Variants in TYW1B observed in about 807,000 individuals in gnomAD.
The protein encoded by TYW1B is S-adenosyl-L-methionine-dependent tRNA 4-demethylwyosine synthase TYW1B.
A neutral mutation model predicts 86.9 loss-of-function variants in TYW1B; 73 were observed. The ratio of observed to expected loss-of-function variants is 0.84; its 90% confidence interval spans 0.70 to 1.02. The LOEUF is 1.02. TYW1B is among the 50% of genes least tolerant of loss of function. The pLI is 0.00. For missense variants in TYW1B, 637 were observed against 827.4 expected, an observed-to-expected ratio of 0.77 and a Z score of 2.82; for synonymous variants, 248 against 292.8, an observed-to-expected ratio of 0.85 and a Z score of 1.56.
intron 10 of TYW1B, among the ~76,000 whole-genome samples, chr7:72,711,766 C>T (rs1365192402): frequency 4.6e-5 from 7 of 151,918 alleles, no homozygotes; most frequent in East Asian, 1.9e-4. Context: ...GGATTACAGG[C>T]GTGAGTCACT....
chr7:72,576,416 C>G (rs1247591561), intron 13 of TYW1B, among the ~76,000 whole-genome samples: 1 of 151,684 alleles, frequency 6.6e-6, no homozygotes, highest in African/African-American at 2.4e-5. Flanking sequence ...GCTTTTAATT[C>G]AAAGCATTTG....
intron 13 of TYW1B, among the ~76,000 whole-genome samples, chr7:72,587,804 T>C (rs1811307322): frequency 6.6e-6 from 1 of 152,184 alleles, no homozygotes; most frequent in African/African-American, 2.4e-5. Flanking sequence ...TTGTTTTAAA[T>C]TATAAACTAT....
intron 6 of TYW1B, among the ~76,000 whole-genome samples, chr7:72,799,583 A>G (rs1554475249): frequency 1.3e-5 from 2 of 151,868 alleles, no homozygotes. Context: ...CTCTTGCCTC[A>G]GCCTCCCAAG....
chr7:72,667,767 A>C (rs1554445596), intron 11 of TYW1B, among the ~76,000 whole-genome samples: 1 of 152,264 alleles, frequency 6.6e-6, no homozygotes, highest in African/African-American at 2.4e-5. Flanking sequence ...CAACACAAAG[A>C]GGTGACCTGT....
intron 13 of TYW1B, among the ~76,000 whole-genome samples, chr7:72,591,482 T>C (rs34942925): frequency 1.3e-5 from 2 of 152,180 alleles, no homozygotes; most frequent in South Asian, 2.1e-4. Context: ...ATACTTAATA[T>C]GGTCATAGAA....
intron 3 of TYW1B, among the ~76,000 whole-genome samples, chr7:72,813,236 C>T (rs1391355882): frequency 5.5e-5 from 8 of 145,496 alleles, no homozygotes; most frequent in South Asian, 2.2e-4. Context: ...AGGGCAATGG[C>T]GCAATCTCGG....
intron 10 of TYW1B, among the ~76,000 whole-genome samples, chr7:72,706,033 G>A (rs1382499184): frequency 6.6e-6 from 1 of 152,196 alleles, no homozygotes; most frequent in African/African-American, 2.4e-5. Flanking sequence ...AAACTCACAT[G>A]TCTACAGGGA....
chr7:72,679,069 C>T (rs1272896434), intron 11 of TYW1B, among the ~76,000 whole-genome samples: 5 of 152,016 alleles, frequency 3.3e-5, no homozygotes, highest in Admixed American at 3.3e-4. Flanking sequence ...ACCACTGCAT[C>T]CAGTCTGCCA....
rs10630508 is a variant in TYW1B, at chr7:72,786,573, C to CT, written c.847-9041dup. Among the ~76,000 whole-genome samples, 274 of 107,434 alleles carry CT rather than the reference C, an allele frequency of 2.6e-3. 1 individual carries two copies. Among genetic ancestry groups the CT allele is most frequent in the African/African-American group, 6.2e-3 (187 of 29,980 alleles). The allele number at this position is 107,434 out of a possible 152,430, so 70.5% of individuals were successfully genotyped here. ...AAACAAAGTTTTTAAATTCTTTTTT[C>CT]TTTTTTTTTTTTTTTTTTTTGAGAT... On this transcript the variant is annotated intron_variant, in intron 6 of 13. Transcript: ENST00000620995.
intron 9 of TYW1B, among the ~76,000 whole-genome samples, chr7:72,720,703 C>A (rs1786878740): frequency 2.0e-5 from 3 of 152,154 alleles, no homozygotes; most frequent in African/African-American, 7.2e-5. Context: ...TCTTCTTGCA[C>A]TGGCCTCAAG....
At chr7:72,699,259 G>A (rs1439450135) in intron 10 of TYW1B, among the ~76,000 whole-genome samples, 1 of 152,196 alleles carries the variant, frequency 6.6e-6, no homozygotes, top group Non-Finnish European at 1.5e-5. Context: ...CCGCAGCTGT[G>A]AGATGCAGCA....
chr7:72,664,293 A>T (rs1410193165), intron 11 of TYW1B, among the ~76,000 whole-genome samples: 1 of 150,784 alleles, frequency 6.6e-6, no homozygotes, highest in Non-Finnish European at 1.5e-5. Flanking sequence ...TTTTACCTTG[A>T]TTCTTTCCTT....
intron 11 of TYW1B, among the ~76,000 whole-genome samples, chr7:72,629,810 A>C (rs1206904772): frequency 1.3e-5 from 2 of 152,140 alleles, no homozygotes; most frequent in Non-Finnish European, 2.9e-5. Flanking sequence ...AGGCTTCCGA[A>C]GGGCTGGGAT....
At chr7:72,690,519 C>T (rs1814122485) in intron 11 of TYW1B, among the ~76,000 whole-genome samples, 1 of 152,182 alleles carries the variant, frequency 6.6e-6, no homozygotes, top group African/African-American at 2.4e-5. Context: ...AAATATGCTA[C>T]CTTCTTCTTT....
intron 10 of TYW1B, chr7:72,698,065 G>A: frequency 6.5e-6 from 1 of 154,008 alleles, no homozygotes. Context: ...AAAATAAGCA[G>A]AGTGACCCAA....
chr7:72,755,097 C>T (rs1361865621), intron 7 of TYW1B, among the ~76,000 whole-genome samples: 1 of 152,072 alleles, frequency 6.6e-6, no homozygotes, highest in Admixed American at 6.6e-5. Context: ...GTTTAGCACA[C>T]TGCTATCAAG....
At chr7:72,722,802 C>T (rs1255928962) in intron 9 of TYW1B, 7 of 447,774 alleles carry the variant, frequency 1.6e-5, no homozygotes, top group East Asian at 4.5e-5. Flanking sequence ...AGACGGCAGG[C>T]GTTCTTTGTC....
At chr7:72,788,409 G>GT (rs1417080881) in intron 6 of TYW1B, among the ~76,000 whole-genome samples, 2 of 152,196 alleles carry the variant, frequency 1.3e-5, no homozygotes, top group Non-Finnish European at 2.9e-5. Context: ...GGGATCAGAA[G>GT]TTTTTCAGAT....
intron 2 of TYW1B, among the ~76,000 whole-genome samples, 193 bp from the exon 3 acceptor site, chr7:72,815,674 T>G (rs1788709862): frequency 6.6e-6 from 1 of 152,164 alleles, no homozygotes; most frequent in Non-Finnish European, 1.5e-5. Context: ...TGTGTTGTTC[T>G]CACCCGATCA....
Sources: allele counts gnomAD v4.1 joint callset (sites outside exome capture counted in the v4.1 genomes callset), GRCh38; gene constraint gnomAD v4.1.1; transcripts MANE v1.5; gene names NCBI Gene and HGNC (gene_info 2026-07-23, HGNC 2026-07-21).